Variants in FOXK2 observed in about 807,000 individuals in gnomAD.
FOXK2 encodes forkhead box protein K2.
FOXK2 carries 24 observed loss-of-function variants against 53.3 expected under a neutral mutation model. The observed-to-expected ratio is 0.45, with a 90% confidence interval of 0.33 to 0.63. The LOEUF (loss-of-function observed/expected upper bound fraction) is 0.63. Ranked by LOEUF, FOXK2 falls within the 30% of genes least tolerant of loss-of-function variation. FOXK2 has a pLI of 0.03. For missense variants in FOXK2, 952 were observed against 910.5 expected, an observed-to-expected ratio of 1.05 and a Z score of -0.59; for synonymous variants, 505 against 407.1, an observed-to-expected ratio of 1.24 and a Z score of -2.89.
Position 82,600,989 on chromosome 17 carries a change from C to T in FOXK2, c.1787-314C>T, listed in dbSNP as rs998290585. The T allele has an allele frequency of 1.6e-5, 4 of 256,248 alleles. No individual in the cohort carries two copies. In the Admixed American group the frequency reaches 1.9e-4, roughly 12 times the overall value. The allele number at this position is 256,248 out of a possible 1,614,324, so 15.9% of individuals were successfully genotyped here. ...TCCCCCAGCAGTGACATCAAAATAG[C>T]CTATTTATAGGACATAACAAAGATG... On this transcript the variant is annotated intron_variant, in intron 8 of 8. Coordinates refer to ENST00000335255, the MANE Select transcript of FOXK2 (RefSeq NM_004514.4).
chr17:82,532,249 A>G (rs1467009264), intron 1 of FOXK2, among the ~76,000 whole-genome samples: 2 of 150,428 alleles, frequency 1.3e-5, no homozygotes, highest in African/African-American at 2.4e-5. Context: ...GGTTCAAGCA[A>G]TTCTCCTGCC....
At chr17:82,556,655 T>C in intron 1 of FOXK2, among the ~76,000 whole-genome samples, 1 of 152,120 alleles carries the variant, frequency 6.6e-6, no homozygotes, top group East Asian at 1.9e-4. Flanking sequence ...TTGGTCAGGC[T>C]GTGAGCAGAT....
intron 1 of FOXK2, among the ~76,000 whole-genome samples, chr17:82,527,325 AG>A (rs1332921270): frequency 2.0e-5 from 3 of 151,848 alleles, no homozygotes; most frequent in Admixed American, 6.6e-5. Context: ...TTTTTGGTAG[AG>A]ATAGCTTTTA....
chr17:82,551,168 T>C (rs1001927507), intron 1 of FOXK2, among the ~76,000 whole-genome samples: 1 of 150,904 alleles, frequency 6.6e-6, no homozygotes, highest in African/African-American at 2.4e-5. Context: ...ATCCAAAAAA[T>C]TAGCCGGGCG....
intron 8 of FOXK2, chr17:82,596,191 G>C (rs2045308563): frequency 3.0e-6 from 3 of 994,932 alleles, no homozygotes; most frequent in Non-Finnish European, 3.6e-6. Flanking sequence ...ACCAACTGCA[G>C]GTCAGTTCCT....
chr17:82,602,426 A>G lies in FOXK2; in HGVS notation c.*927A>G, dbSNP rs977053188. On this transcript the variant is annotated 3_prime_UTR_variant, in exon 9 of 9. Transcript: ENST00000335255. ...TGTTTAAAACGACAGAACCATTTCTACTTCATTTGGAAAAAGATTCAGTCT... is the reference window on the plus strand; with the variant it reads ...TGTTTAAAACGACAGAACCATTTCTGCTTCATTTGGAAAAAGATTCAGTCT... 1.3e-5 allele frequency: 2 copies of G among 152,224 alleles called. No individual in the cohort carries two copies. Among genetic ancestry groups the G allele is most frequent in the Non-Finnish European group, 2.9e-5 (2 of 68,052 alleles). 9.4% of individuals were successfully genotyped at this position (152,224 alleles called of 1,614,324 possible).
At chr17:82,586,691 T>C (rs934272486) in intron 7 of FOXK2, among the ~76,000 whole-genome samples, 1 of 151,906 alleles carries the variant, frequency 6.6e-6, no homozygotes, top group Non-Finnish European at 1.5e-5. Context: ...CACCTGAGGT[T>C]AGGAGTTGGA....
At chr17:82,595,224 T>G (rs2045297778) in intron 8 of FOXK2, among the ~76,000 whole-genome samples, 1 of 152,214 alleles carries the variant, frequency 6.6e-6, no homozygotes, top group Admixed American at 6.5e-5. Context: ...CAGATTCCCA[T>G]TAGGTCGTCC....
At chr17:82,599,600 T>C (rs969479703) in intron 8 of FOXK2, 2 of 152,260 alleles carry the variant, frequency 1.3e-5, no homozygotes, top group Non-Finnish European at 2.9e-5. Context: ...CCGATGTCAC[T>C]GGGTCCCCGT....
intron 1 of FOXK2, among the ~76,000 whole-genome samples, chr17:82,544,641 G>A (rs968686062): frequency 1.3e-5 from 2 of 152,198 alleles, no homozygotes; most frequent in African/African-American, 4.8e-5. Context: ...TCTCAGTTTA[G>A]GTCAGAATTG....
rs1300869625 is a variant in FOXK2, at chr17:82,534,531, G to A, written c.419+14224G>A. The stretch of plus-strand genomic sequence containing the variant: ...CTCTAGGTCGTCATGCCTCAGGCTA[G>A]AGGAGGGGCCAGGCTCCTTCTTGCT... On this transcript the variant is annotated intron_variant, in intron 1 of 8. Transcript: ENST00000335255. Among the ~76,000 whole-genome samples, 3 of 152,222 alleles carry A rather than the reference G, an allele frequency of 2.0e-5. No individual in the cohort carries two copies. In the East Asian group the frequency reaches 5.8e-4, roughly 29 times the overall value.
chr17:82,584,785 C>T (rs746133714), intron 6 of FOXK2, among the ~76,000 whole-genome samples: 1 of 152,176 alleles, frequency 6.6e-6, no homozygotes, highest in Non-Finnish European at 1.5e-5. Flanking sequence ...ACCTCGTGAC[C>T]TCATGATCCA....
At chr17:82,522,030 C>G (rs1461937467) in intron 1 of FOXK2, among the ~76,000 whole-genome samples, 1 of 140,938 alleles carries the variant, frequency 7.1e-6, no homozygotes, top group Non-Finnish European at 1.5e-5. Flanking sequence ...AATGGCTACC[C>G]TTTAATCTGA....
intron 1 of FOXK2, among the ~76,000 whole-genome samples, chr17:82,551,129 A>G (rs2044672840): frequency 6.6e-6 from 1 of 150,822 alleles, no homozygotes. Flanking sequence ...CATCCTGGCT[A>G]ACACGGTGAA....
Position 82,519,875 on chromosome 17 carries a change from C to T in FOXK2, c.-14C>T, listed in dbSNP as rs2144028111. Reference sequence around the variant, plus strand: ...CGCCCGCGCGGAGCGGCCCGGGGGCCCTCACGCAGGCCCATGGCGGCGGCC... The same window carrying T: ...CGCCCGCGCGGAGCGGCCCGGGGGCTCTCACGCAGGCCCATGGCGGCGGCC... On this transcript the variant is annotated 5_prime_UTR_variant, in exon 1 of 9. Transcript: ENST00000335255. 1.0e-6 allele frequency: 1 copy of T among 976,054 alleles called. No homozygotes were observed. Among genetic ancestry groups the T allele is most frequent in the South Asian group, 4.7e-5 (1 of 21,170 alleles). The allele number at this position is 976,054 out of a possible 1,614,324, so 60.5% of individuals were successfully genotyped here. A position where few individuals can be genotyped will look rare whatever the true frequency, so the allele number is the denominator to read the frequency against.
In FOXK2 at chr17:82,586,044, G is replaced by T; in HGVS notation, c.1420G>T (p.Val474Phe). ...QPPVVQTVHV[V>F]HQIPAVSVTS... Reference sequence around the variant, plus strand: ...ACCCGTCGTGCAGACGGTTCACGTCGTCCACCAGATCCCAGCGGTGTCGGT... The same window carrying T: ...ACCCGTCGTGCAGACGGTTCACGTCTTCCACCAGATCCCAGCGGTGTCGGT... Residue 474 changes from valine to phenylalanine, a missense_variant, in exon 7 of 9, where the codon GTC (valine) becomes TTC (phenylalanine). Physicochemically the swap from Val to Phe is conservative, Grantham distance 50 (BLOSUM62 -1). Coordinates refer to ENST00000335255, the MANE Select transcript of FOXK2 (RefSeq NM_004514.4). The T allele has an allele frequency of 1.2e-6, 2 of 1,612,800 alleles. No individual in the cohort carries two copies. The highest frequency in any genetic ancestry group is 1.7e-6 in the Non-Finnish European group (2 of 1,179,986).
intron 4 of FOXK2, among the ~76,000 whole-genome samples, chr17:82,580,960 G>A (rs919659171): frequency 7.2e-5 from 11 of 152,230 alleles, no homozygotes; most frequent in Non-Finnish European, 1.2e-4. Context: ...CCATCCACAG[G>A]GCCCAGAGGC....
At chr17:82,574,410 T>C (rs1221548078) in intron 4 of FOXK2, among the ~76,000 whole-genome samples, 1 of 150,980 alleles carries the variant, frequency 6.6e-6, no homozygotes, top group African/African-American at 2.4e-5. Flanking sequence ...AACCTCCGCC[T>C]CCCAGGTTCA....
At chr17:82,520,360 A>AGGACG in intron 1 of FOXK2, 53 bp downstream of exon 1, 3 of 1,222,062 alleles carry the variant, frequency 2.5e-6, no homozygotes, top group Non-Finnish European at 3.1e-6. Flanking sequence ...AGCGCCTGGC[A>AGGACG]GGACGGGACG....
Sources: allele counts gnomAD v4.1 joint callset (sites outside exome capture counted in the v4.1 genomes callset), GRCh38; gene constraint gnomAD v4.1.1; transcripts MANE v1.5; gene names NCBI Gene and HGNC (gene_info 2026-07-23, HGNC 2026-07-21).